Variants in RPH3AL observed in about 807,000 individuals in gnomAD.
RPH3AL encodes rab effector Noc2.
Under a neutral mutation model 43.1 loss-of-function variants are expected in RPH3AL, and 38 were observed. That is an observed-to-expected ratio of 0.88 (90% confidence interval 0.68 to 1.15). The LOEUF is 1.15. Ranked by LOEUF, RPH3AL falls within the 50% of genes most tolerant of loss-of-function variation. The probability of loss-of-function intolerance (pLI) is 0.00; values close to 1 mark genes in which losing one functional copy is unlikely to be tolerated. For missense variants in RPH3AL, 462 were observed against 423.2 expected (o/e 1.09, Z -0.81); for synonymous variants, 189 against 176.3 (o/e 1.07, Z -0.57).
intron 6 of RPH3AL, among the ~76,000 whole-genome samples, chr17:262,338 C>G (rs1490033030): frequency 6.6e-6 from 1 of 152,048 alleles, no homozygotes; most frequent in Non-Finnish European, 1.5e-5. Context: ...GCCTCAGCCT[C>G]CTGAGTAGCT....
At chr17:342,247 T>C (rs550305421) in intron 1 of RPH3AL, among the ~76,000 whole-genome samples, 11 of 152,328 alleles carry the variant, frequency 7.2e-5, no homozygotes, top group African/African-American at 1.7e-4. Context: ...CTGGAACACT[T>C]GTATCTTGTT....
At chr17:332,721 A>G (rs2044817081) in intron 2 of RPH3AL, 2 of 272,774 alleles carry the variant, frequency 7.3e-6, no homozygotes, top group Non-Finnish European at 1.5e-5. Context: ...GTCGGCCTCA[A>G]GGCAGCTCCA....
At chr17:297,704 T>C (rs570099042) in intron 5 of RPH3AL, among the ~76,000 whole-genome samples, 1 of 152,332 alleles carries the variant, frequency 6.6e-6, no homozygotes, top group East Asian at 1.9e-4. Flanking sequence ...AGTCCTGTGC[T>C]TCCGGAAGGC....
intron 2 of RPH3AL, among the ~76,000 whole-genome samples, chr17:329,294 G>A (rs949196293): frequency 6.6e-6 from 1 of 152,044 alleles, no homozygotes; most frequent in African/African-American, 2.4e-5. Context: ...CCAATATGGT[G>A]AAACCCCGCC....
At chr17:331,325 A>G in intron 2 of RPH3AL, 3 of 313,566 alleles carry the variant, frequency 9.6e-6, no homozygotes, top group South Asian at 5.3e-5. Context: ...GGGAGACGGA[A>G]GGATGTCGCC....
In RPH3AL at chr17:323,584, G is replaced by A. The variant is rs2044538730; in HGVS notation, c.78-2169C>T. Among the ~76,000 whole-genome samples, 1 of 152,144 alleles carries A rather than the reference G, an allele frequency of 6.6e-6. No homozygotes were observed. Among genetic ancestry groups the A allele is most frequent in the African/African-American group, 2.4e-5 (1 of 41,426 alleles). On this transcript the variant is annotated intron_variant, in intron 3 of 9. Transcript: ENST00000331302. This position sits in a 1 kb window ranked among gnomAD's most constrained non-coding sequence, Gnocchi z 4.4. Reference sequence around the variant, plus strand: ...CCAGGGGAAGGGAGTTGGAAGCCAGGGCCCCCAGGTTCAGGGAATCACCAC... The same window carrying A: ...CCAGGGGAAGGGAGTTGGAAGCCAGAGCCCCCAGGTTCAGGGAATCACCAC...
At chr17:317,526 G>T (rs2044317330) in intron 5 of RPH3AL, among the ~76,000 whole-genome samples, 1 of 151,714 alleles carries the variant, frequency 6.6e-6, no homozygotes, top group Non-Finnish European at 1.5e-5. Flanking sequence ...CACCTCCATT[G>T]ACCTGAAGTC....
intron 7 of RPH3AL, among the ~76,000 whole-genome samples, chr17:240,253 G>A (rs980585195): frequency 3.7e-5 from 5 of 134,688 alleles, no homozygotes; most frequent in East Asian, 2.1e-4. Flanking sequence ...AAAAAAAAAA[G>A]GTTTTTTTGT....
rs1345798489 is a variant in RPH3AL at position 323,579 on chromosome 17, GCCAGGGCCC to G, written c.78-2173_78-2165del. Reference sequence around the variant, plus strand: ...CCGGGCCAGGGGAAGGGAGTTGGAAGCCAGGGCCCCCAGGTTCAGGGAATCACCACTCCC... The same window carrying G: ...CCGGGCCAGGGGAAGGGAGTTGGAAGCCAGGTTCAGGGAATCACCACTCCC... On this transcript the variant is annotated intron_variant, in intron 3 of 9. Coordinates refer to ENST00000331302, the MANE Select transcript of RPH3AL (RefSeq NM_006987.4). The surrounding 1 kb of genome is among the most constrained non-coding windows in gnomAD (Gnocchi z 4.4). 1.3e-5 allele frequency among the ~76,000 whole-genome samples: 2 copies of G among 152,180 alleles called. No homozygotes were observed. Among genetic ancestry groups the G allele is most frequent in the Non-Finnish European group, 2.9e-5 (2 of 68,012 alleles).
At chr17:251,812 T>C (rs2041908253) in intron 6 of RPH3AL, among the ~76,000 whole-genome samples, 1 of 152,214 alleles carries the variant, frequency 6.6e-6, no homozygotes, top group Non-Finnish European at 1.5e-5. Context: ...CATCCTGCCC[T>C]GAGCACGTCA....
rs1182079227 is a variant in RPH3AL at position 290,857 on chromosome 17, G to A, written c.352-9003C>T. On this transcript the variant is annotated intron_variant, in intron 5 of 9. Transcript: ENST00000331302. The surrounding 1 kb of genome is among the most constrained non-coding windows in gnomAD (Gnocchi z 4.2). ...CACTGGCAGCCTCACACTCCTGGAC[G>A]GGCCGGGACAGCTTCACAGCGTCAC... Among the ~76,000 whole-genome samples the A allele has an allele frequency of 3.9e-5, 6 of 152,146 alleles. No individual in the cohort carries two copies. The highest frequency in any genetic ancestry group is 2.6e-4 in the Admixed American group (4 of 15,276).
At chr17:243,223 A>G (rs1555537957) in intron 7 of RPH3AL, among the ~76,000 whole-genome samples, 1 of 133,290 alleles carries the variant, frequency 7.5e-6, no homozygotes, top group Admixed American at 7.6e-5. Flanking sequence ...ACCTTCCTCT[A>G]TTGACTACCT....
intron 4 of RPH3AL, among the ~76,000 whole-genome samples, chr17:319,758 T>C (rs2044406738): frequency 6.7e-6 from 1 of 149,950 alleles, no homozygotes; most frequent in African/African-American, 2.5e-5. Flanking sequence ...CTGGGAATAC[T>C]GTAGCAAACA....
chr17:295,112 G>C (rs2043142580), intron 5 of RPH3AL, among the ~76,000 whole-genome samples: 1 of 138,812 alleles, frequency 7.2e-6, no homozygotes, highest in Admixed American at 7.2e-5. Context: ...TGGACGGGCA[G>C]AGGGAATGCA....
At chr17:271,998 T>C (rs2042475359) in intron 6 of RPH3AL, among the ~76,000 whole-genome samples, 1 of 152,048 alleles carries the variant, frequency 6.6e-6, no homozygotes, top group South Asian at 2.1e-4. Context: ...AAAAAACACA[T>C]GAAAAAATGC....
rs996380096 is a variant in RPH3AL at position 225,020 on chromosome 17, G to A, written c.614-5284C>T. Among the ~76,000 whole-genome samples the A allele has an allele frequency of 4.6e-5, 7 of 151,324 alleles. No homozygotes were observed. Among genetic ancestry groups the A allele is most frequent in the African/African-American group, 1.5e-4 (6 of 41,152 alleles). ...AGGAGATATACCTAATGTAAATGAC[G>A]AGTTAATGGGTGCAGCACACCAACA... On this transcript the variant is annotated intron_variant, in intron 7 of 9. Transcript: ENST00000331302. The surrounding 1 kb of genome is among the most constrained non-coding windows in gnomAD (Gnocchi z 4.4).
At chr17:250,992 G>T (rs1034459150) in intron 6 of RPH3AL, among the ~76,000 whole-genome samples, 2 of 152,224 alleles carry the variant, frequency 1.3e-5, no homozygotes, top group East Asian at 1.9e-4. Flanking sequence ...CTCTCTACCC[G>T]CAATCTGCCT....
At chr17:251,246 G>A (rs1555542449) in intron 6 of RPH3AL, among the ~76,000 whole-genome samples, 1 of 152,186 alleles carries the variant, frequency 6.6e-6, no homozygotes, top group African/African-American at 2.4e-5. Context: ...ACCCGCTTTG[G>A]AAAACCCTTT....
intron 7 of RPH3AL, among the ~76,000 whole-genome samples, chr17:222,191 C>T (rs2041008189): frequency 6.6e-6 from 1 of 152,186 alleles, no homozygotes; most frequent in African/African-American, 2.4e-5. Context: ...TGGACACATT[C>T]ATTGAAGTTT....
Sources: allele counts gnomAD v4.1 joint callset (sites outside exome capture counted in the v4.1 genomes callset), GRCh38; gene constraint gnomAD v4.1.1; non-coding constraint Gnocchi (gnomAD v3.1); transcripts MANE v1.5; gene names NCBI Gene and HGNC (gene_info 2026-07-23, HGNC 2026-07-21).